The following CACNA2D1 variants were observed in gnomAD, a reference collection of about 807,000 sequenced individuals.
CACNA2D1 encodes the protein voltage-dependent calcium channel subunit alpha-2/delta-1.
CACNA2D1 carries 53 observed loss-of-function variants against 171.5 expected under a neutral mutation model. That is an observed-to-expected ratio of 0.31 (90% CI 0.25 to 0.39). The LOEUF (loss-of-function observed/expected upper bound fraction) is 0.39. CACNA2D1 is among the 10% of genes least tolerant of loss of function. CACNA2D1 has a pLI of 1.00. For missense variants in CACNA2D1, 903 were observed against 1,299.8 expected, an observed-to-expected ratio of 0.69 and a Z score of 4.69; for synonymous variants, 442 against 443.1, an observed-to-expected ratio of 1.00 and a Z score of 0.03.
intron 24 of CACNA2D1, among the ~76,000 whole-genome samples, chr7:81,976,841 C>A (rs1326480336): frequency 6.6e-6 from 1 of 152,050 alleles, no homozygotes; most frequent in African/African-American, 2.4e-5. Flanking sequence ...GAAACAAAAG[C>A]GAGACTGTAT....
intron 2 of CACNA2D1, among the ~76,000 whole-genome samples, chr7:82,348,773 C>A (rs1237862299): frequency 2.0e-5 from 3 of 152,104 alleles, no homozygotes; most frequent in Non-Finnish European, 4.4e-5. Flanking sequence ...TGACTCATCA[C>A]ATTTTTGGAA....
intron 1 of CACNA2D1, among the ~76,000 whole-genome samples, chr7:82,386,016 G>C (rs1348935937): frequency 2.0e-5 from 3 of 152,042 alleles, no homozygotes; most frequent in Admixed American, 6.6e-5. Context: ...TTTAGGTTTA[G>C]AGTTGTAAAC....
intron 3 of CACNA2D1, among the ~76,000 whole-genome samples, chr7:82,287,997 A>ATTTTTTTTTTT (rs5885283): frequency 7.2e-6 from 1 of 138,890 alleles, no homozygotes; most frequent in African/African-American, 2.8e-5. Context: ...TGCCCGGCTA[A>ATTTTTTTTTTT]TTTTTTTTTT....
At chr7:82,205,912 T>C (rs1239567149) in intron 3 of CACNA2D1, among the ~76,000 whole-genome samples, 2 of 152,168 alleles carry the variant, frequency 1.3e-5, no homozygotes, top group East Asian at 3.8e-4. Flanking sequence ...CCTTTTCATT[T>C]TGATAGATAT....
At chr7:82,185,702 C>A (rs1215254899) in intron 3 of CACNA2D1, among the ~76,000 whole-genome samples, 1 of 151,962 alleles carries the variant, frequency 6.6e-6, no homozygotes, top group Admixed American at 6.5e-5. Context: ...ACAGTGCTTA[C>A]TTTGAACATA....
chr7:82,172,567 T>G (rs1584996390), intron 3 of CACNA2D1, among the ~76,000 whole-genome samples: 1 of 150,110 alleles, frequency 6.7e-6, no homozygotes, highest in Admixed American at 6.7e-5. Context: ...ATCCTCCCAC[T>G]TCAGCCTCCT....
chr7:81,967,648 AT>A lies in CACNA2D1; in HGVS notation c.2410del (p.Ile804LeufsTer3). 6.8e-7 allele frequency: 1 copy of A among 1,474,650 alleles called. No individual in the cohort carries two copies. Among genetic ancestry groups the A allele is most frequent in the Non-Finnish European group, 9.4e-7 (1 of 1,059,724 alleles). The allele number at this position is 1,474,650 out of a possible 1,614,324, so 91.3% of individuals were successfully genotyped here. Reference protein sequence around the residue: ...LLKPAVVGIKIDVNSWIENFT... With the variant: ...LLKPAVVGIKXDVNSWIENFT... ...ATTCTCTATCCAGGAATTTACATCAATTTTAATTCCAACAACTGAAAAATTA... is the reference window on the plus strand; with the variant it reads ...ATTCTCTATCCAGGAATTTACATCAATTTAATTCCAACAACTGAAAAATTA... On this transcript the variant is annotated frameshift_variant, in exon 30 of 39. Coordinates refer to ENST00000356860, the MANE Select transcript of CACNA2D1 (RefSeq NM_000722.4). LOFTEE classifies it high-confidence loss of function.
At chr7:82,172,937 A>G (rs1027790936) in intron 3 of CACNA2D1, among the ~76,000 whole-genome samples, 12 of 152,052 alleles carry the variant, frequency 7.9e-5, no homozygotes, top group Admixed American at 7.9e-4. Context: ...TGTGTCTTAG[A>G]GAAGAATATT....
rs1253739688 is a variant in CACNA2D1 at position 81,947,697 on chromosome 7, A to G, written c.*2695T>C. On this transcript the variant is annotated 3_prime_UTR_variant, in exon 39 of 39. Coordinates refer to ENST00000356860, the MANE Select transcript of CACNA2D1 (RefSeq NM_000722.4). ...CTGTTGTACTGTTCAGTCGTTGGAA[A>G]TCAATATTAATAACAGGCTATAATT... The G allele has an allele frequency of 6.6e-6, 1 of 151,920 alleles. No individual in the cohort carries two copies. Among genetic ancestry groups the G allele is most frequent in the African/African-American group, 2.4e-5 (1 of 41,426 alleles). The allele number at this position is 151,920 out of a possible 1,614,324, so 9.4% of individuals were successfully genotyped here.
At chr7:82,428,601 T>G (rs1183102076) in intron 1 of CACNA2D1, among the ~76,000 whole-genome samples, 1 of 152,148 alleles carries the variant, frequency 6.6e-6, no homozygotes, top group Non-Finnish European at 1.5e-5. Flanking sequence ...GGCTCCACAT[T>G]AGAATCAGAA....
At chr7:82,363,063 C>T (rs1821253215) in intron 1 of CACNA2D1, among the ~76,000 whole-genome samples, 1 of 151,992 alleles carries the variant, frequency 6.6e-6, no homozygotes, top group African/African-American at 2.4e-5. Flanking sequence ...TTCTACATTG[C>T]TTAATTTTTC....
At chr7:82,202,766 T>C (rs1426429084) in intron 3 of CACNA2D1, among the ~76,000 whole-genome samples, 2 of 152,008 alleles carry the variant, frequency 1.3e-5, no homozygotes, top group African/African-American at 4.8e-5. Context: ...GAGACCCCAT[T>C]AGGTCTGATA....
chr7:82,282,832 G>A (rs3757631), intron 3 of CACNA2D1, among the ~76,000 whole-genome samples: 40,839 of 151,790 alleles, frequency 0.27, 5,704 homozygotes, highest in Middle Eastern at 0.38. Flanking sequence ...TTTTATGTGC[G>A]TGTGGCAGGG....
At chr7:82,045,492 A>G (rs1357961213) in intron 10 of CACNA2D1, among the ~76,000 whole-genome samples, 3 of 152,154 alleles carry the variant, frequency 2.0e-5, no homozygotes, top group Non-Finnish European at 2.9e-5. Flanking sequence ...TTTGGTATAT[A>G]GTCATGGTGG....
At chr7:82,163,808 G>A (rs1324736098) in intron 4 of CACNA2D1, among the ~76,000 whole-genome samples, 2 of 152,090 alleles carry the variant, frequency 1.3e-5, no homozygotes, top group Non-Finnish European at 2.9e-5. Flanking sequence ...TATCCATCAA[G>A]AGACTGTGCC....
intron 4 of CACNA2D1, among the ~76,000 whole-genome samples, chr7:82,140,847 C>T (rs574640443): frequency 1.3e-5 from 2 of 149,106 alleles, no homozygotes; most frequent in African/African-American, 5.0e-5. Context: ...CCCAGCTGTT[C>T]GGGAGGCTGA....
chr7:82,013,425 A>G, intron 14 of CACNA2D1, 36 bp downstream of exon 14: 1 of 944,788 alleles, frequency 1.1e-6, no homozygotes, highest in Non-Finnish European at 1.5e-6. Flanking sequence ...CTTTTACTTG[A>G]AAAAAATAAT....
chr7:82,077,780 G>T, intron 7 of CACNA2D1, among the ~76,000 whole-genome samples: 1 of 147,608 alleles, frequency 6.8e-6, no homozygotes. Context: ...AAAAAATCAG[G>T]CATTTTTAGA....
chr7:82,170,820 A>G lies in CACNA2D1; in HGVS notation c.295-211T>C, dbSNP rs73387976. Among the ~76,000 whole-genome samples, 9,784 of 152,054 alleles carry G rather than the reference A, an allele frequency of 0.064. 661 individuals carry two copies. The highest frequency in any genetic ancestry group is 0.17 in the African/African-American group (6,972 of 41,490). On this transcript the variant is annotated intron_variant, in intron 3 of 38. Transcript: ENST00000356860. ...TCTTCAGCAATATAAATAATATACT[A>G]TTCTTGAATACCATTAAGTTTGTTA...
Sources: allele counts gnomAD v4.1 joint callset (sites outside exome capture counted in the v4.1 genomes callset), GRCh38; gene constraint gnomAD v4.1.1; transcripts MANE v1.5; gene names NCBI Gene and HGNC (gene_info 2026-07-23, HGNC 2026-07-21).